Variants in HEXB observed in about 807,000 individuals in gnomAD.
The protein encoded by HEXB is beta-hexosaminidase subunit beta.
A neutral mutation model predicts 71.2 loss-of-function variants in HEXB; 51 were observed. The observed-to-expected ratio is 0.72, with a 90% CI of 0.57 to 0.90. HEXB has a LOEUF of 0.90. HEXB is among the 40% of genes least tolerant of loss of function. HEXB has a pLI of 0.00. For missense variants in HEXB, 617 were observed against 677.0 expected (o/e 0.91, Z 0.98); for synonymous variants, 266 against 249.3 (o/e 1.07, Z -0.63).
At chr5:74,678,452 A>G (rs1426761467) in intron 1 of HEXB, among the ~76,000 whole-genome samples, 1 of 152,038 alleles carries the variant, frequency 6.6e-6, no homozygotes, top group African/African-American at 2.4e-5. Context: ...TTTAGAAGAA[A>G]CTATACAACA....
In HEXB at chr5:74,641,109, G is replaced by T. The variant is rs1044925075; in HGVS notation, c.-377+551G>T. ...TCTGAGGGACCCACCTTAGGGGAGC[G>T]CAGCCCGGGGCTGTGCGCTTGGTGA... On this transcript the variant is annotated intron_variant, in intron 1 of 13. Transcript: ENST00000511181. This position sits in a 1 kb window ranked among gnomAD's most constrained non-coding sequence, Gnocchi z 4.1. The T allele has an allele frequency of 6.6e-6, 1 of 152,126 alleles. No individual in the cohort carries two copies. Among genetic ancestry groups the T allele is most frequent in the Non-Finnish European group, 1.5e-5 (1 of 68,042 alleles). The allele number at this position is 152,126 out of a possible 1,614,324, so 9.4% of individuals were successfully genotyped here.
intron 2 of HEXB, among the ~76,000 whole-genome samples, chr5:74,690,273 T>C (rs2112130638): frequency 6.6e-6 from 1 of 152,262 alleles, no homozygotes; most frequent in Non-Finnish European, 1.5e-5. Context: ...AATGTGGAAT[T>C]GCACCAAGGA....
chr5:74,716,454 A>T, intron 8 of HEXB, 133 bp from the exon 9 acceptor site: 1 of 593,882 alleles, frequency 1.7e-6, no homozygotes, highest in African/African-American at 1.9e-5. Flanking sequence ...TTAAGTTTTT[A>T]GGCTTCTTTT....
In HEXB at chr5:74,685,276, C is replaced by T. The variant is rs1580376985; in HGVS notation, c.16C>T (p.Leu6=). 1.9e-6 allele frequency: 3 copies of T among 1,541,302 alleles called. No homozygotes were observed. The highest frequency in any genetic ancestry group is 4.9e-5 in the East Asian group (2 of 40,926). Residue 6 remains leucine (L), a synonymous_variant, in exon 1 of 14, where the codon CTG becomes TTG. Transcript: ENST00000261416. MELCG[L]GLPRPPMLLA... is the part of the protein sequence containing the mutation. ...CCGAGCGGCCATGGAGCTGTGCGGG[C>T]TGGGGCTGCCCCGGCCGCCCATGCT...
chr5:74,643,233 G>A (rs1747939821), intron 1 of HEXB, among the ~76,000 whole-genome samples: 1 of 152,138 alleles, frequency 6.6e-6, no homozygotes, highest in Admixed American at 6.5e-5. Flanking sequence ...TTGCAAGTTA[G>A]CAAATTTATG....
intron 1 of HEXB, among the ~76,000 whole-genome samples, chr5:74,664,908 C>T (rs558845174): frequency 2.1e-4 from 32 of 152,254 alleles, no homozygotes; most frequent in Non-Finnish European, 2.9e-4. Flanking sequence ...CTCACACTCT[C>T]GTTGTGGGAG....
At chr5:74,704,778 T>C (rs993812287) in intron 5 of HEXB, among the ~76,000 whole-genome samples, 1 of 152,178 alleles carries the variant, frequency 6.6e-6, no homozygotes, top group Non-Finnish European at 1.5e-5. Flanking sequence ...TTCTATTTCT[T>C]CTCATTCTTT....
intron 10 of HEXB, 30 bp downstream of exon 10, chr5:74,718,393 A>G: frequency 6.8e-7 from 1 of 1,468,496 alleles, no homozygotes; most frequent in Non-Finnish European, 9.5e-7. Context: ...CATCTGATCA[A>G]TATAAGAGAC....
intron 1 of HEXB, among the ~76,000 whole-genome samples, chr5:74,647,529 G>T (rs895999542): frequency 1.3e-5 from 2 of 152,206 alleles, no homozygotes; most frequent in African/African-American, 4.8e-5. Context: ...ACTGATGCGT[G>T]TGTTGTCAGA....
chr5:74,678,643 C>T (rs1335418992), intron 1 of HEXB, among the ~76,000 whole-genome samples: 1 of 152,008 alleles, frequency 6.6e-6, no homozygotes, highest in Non-Finnish European at 1.5e-5. Context: ...TTTTTATCAT[C>T]GTTGAATGAT....
upstream of HEXB, among the ~76,000 whole-genome samples, chr5:74,683,567 G>A (rs1186086283): frequency 6.6e-6 from 1 of 152,124 alleles, no homozygotes; most frequent in African/African-American, 2.4e-5. Context: ...GCCTCCCAAA[G>A]TGCTGGGATT....
chr5:74,720,648 G>A lies in HEXB; in HGVS notation c.1514G>A (p.Arg505Gln), dbSNP rs121907983. Residue 505 changes from arginine to glutamine, a missense_variant, in exon 13 of 14, where the codon CGG becomes CAG. Transcript: ENST00000261416. ...ATGTGTGATTTAAATTTTAGGCCTC[G>A]GGCAAGTGCTGTTGGTGAGAGACTC... Reference protein sequence around the residue: ...ATNLTPRLWPRASAVGERLWS... With the variant: ...ATNLTPRLWPQASAVGERLWS... 4.3e-5 allele frequency: 70 copies of A among 1,613,820 alleles called. No individual in the cohort carries two copies. Among genetic ancestry groups the A allele is most frequent in the Admixed American group, 1.0e-4 (6 of 60,000 alleles).
At chr5:74,657,388 T>C (rs1466249394) in intron 1 of HEXB, among the ~76,000 whole-genome samples, 1 of 152,130 alleles carries the variant, frequency 6.6e-6, no homozygotes, top group Non-Finnish European at 1.5e-5. Context: ...TTCCTTTCAT[T>C]CAACTCTCTG....
intron 8 of HEXB, among the ~76,000 whole-genome samples, chr5:74,716,025 A>AG (rs1352394189): frequency 4.1e-5 from 6 of 147,872 alleles, no homozygotes; most frequent in Non-Finnish European, 7.5e-5. Flanking sequence ...TCAAAAAAAA[A>AG]AAAAAAAAAA....
At chr5:74,703,141 T>C (rs745717815) in intron 5 of HEXB, among the ~76,000 whole-genome samples, 2 of 152,184 alleles carry the variant, frequency 1.3e-5, no homozygotes, top group Non-Finnish European at 2.9e-5. Flanking sequence ...TTAGTAGAGA[T>C]GGGGTTTCGC....
chr5:74,660,961 C>G (rs914509387), intron 1 of HEXB, among the ~76,000 whole-genome samples: 2 of 152,030 alleles, frequency 1.3e-5, no homozygotes, highest in Admixed American at 6.6e-5. Flanking sequence ...CCGGGCATAA[C>G]AGCATCTCAC....
At chr5:74,720,232 C>G in intron 11 of HEXB, 196 bp from the exon 12 acceptor site, 1 of 599,434 alleles carries the variant, frequency 1.7e-6, no homozygotes, top group East Asian at 3.0e-5. Flanking sequence ...AAGTTTGCAA[C>G]CATTTTTTTG....
chr5:74,695,912 T>C (rs762021242), intron 3 of HEXB, among the ~76,000 whole-genome samples: 3 of 151,734 alleles, frequency 2.0e-5, no homozygotes, highest in Non-Finnish European at 2.9e-5. Flanking sequence ...AAGAAGTCCA[T>C]ATTTTCTGTT....
At chr5:74,708,209 G>A (rs1749451605) in intron 6 of HEXB, among the ~76,000 whole-genome samples, 1 of 151,450 alleles carries the variant, frequency 6.6e-6, no homozygotes, top group Non-Finnish European at 1.5e-5. Flanking sequence ...AAGTGAAGGA[G>A]AAATAAAATA....
Sources: allele counts gnomAD v4.1 joint callset (sites outside exome capture counted in the v4.1 genomes callset), GRCh38; gene constraint gnomAD v4.1.1; non-coding constraint Gnocchi (gnomAD v3.1); transcripts MANE v1.5; gene names NCBI Gene and HGNC (gene_info 2026-07-23, HGNC 2026-07-21).